Variants in FGD4 observed in about 807,000 individuals in gnomAD.
FGD4 encodes FYVE, RhoGEF and PH domain-containing protein 4.
FGD4 carries 42 observed loss-of-function variants against 102.0 expected under a neutral mutation model. The observed-to-expected ratio is 0.41, with a 90% CI of 0.32 to 0.53. The LOEUF (loss-of-function observed/expected upper bound fraction) is 0.53. FGD4 is among the 20% of genes least tolerant of loss of function. The pLI is 0.21. For synonymous variants in FGD4, 380 were observed against 375.7 expected (o/e 1.01, Z -0.13); for missense variants, 902 against 1,078.2 (o/e 0.84, Z 2.29).
In FGD4 at chr12:32,453,226, GA is replaced by G. The variant is rs1565749188; in HGVS notation, c.166+53268del. Among the ~76,000 whole-genome samples the G allele has an allele frequency of 8.5e-5, 5 of 58,518 alleles. No individual in the cohort carries two copies. In the East Asian group the frequency reaches 2.1e-3, roughly 24 times the overall value. 38.4% of individuals were successfully genotyped at this position (58,518 alleles called of 152,430 possible). On this transcript the variant is annotated intron_variant, in intron 1 of 16. Coordinates refer to ENST00000534526, the MANE Select transcript of FGD4 (RefSeq NM_001370298.3). ...TATATATATATATATATATAATATA[GA>G]TATATATATATTTTTTTTTTTTTAA...
intron 7 of FGD4, among the ~76,000 whole-genome samples, chr12:32,604,935 G>GTTTTTT (rs1565897132): frequency 8.0e-5 from 6 of 74,940 alleles, no homozygotes; most frequent in African/African-American, 3.3e-4. Context: ...CTTTATAGCT[G>GTTTTTT]CTTTTTTTTT....
intron 4 of FGD4, among the ~76,000 whole-genome samples, chr12:32,592,368 A>G (rs969845592): frequency 6.6e-6 from 1 of 152,028 alleles, no homozygotes; most frequent in African/African-American, 2.4e-5. Context: ...AAAAACTATA[A>G]ATTATATTTT....
intron 1 of FGD4, among the ~76,000 whole-genome samples, chr12:32,561,075 G>GTTTTTTTT (rs1218919677): frequency 4.7e-5 from 4 of 85,180 alleles, no homozygotes; most frequent in Admixed American, 1.8e-4. Context: ...GTTGGGTTTT[G>GTTTTTTTT]TTTTTTTTTT....
At chr12:32,619,579 C>G (rs368707492) in intron 10 of FGD4, 119 bp from the exon 11 acceptor site, 2 of 1,159,026 alleles carry the variant, frequency 1.7e-6, no homozygotes, top group African/African-American at 1.5e-5. Flanking sequence ...TTACAATGAG[C>G]CAAGGTCACA....
In FGD4 at chr12:32,641,035, CAA is replaced by C. The variant is rs1565943352; in HGVS notation, c.*505_*506del. 1 of 160,840 alleles carries C rather than the reference CAA, an allele frequency of 6.2e-6. No homozygotes were observed. The highest frequency in any genetic ancestry group is 1.8e-4 in the East Asian group (1 of 5,538). 10.0% of individuals were successfully genotyped at this position (160,840 alleles called of 1,614,324 possible). A position where few individuals can be genotyped will look rare whatever the true frequency, so the allele number is the denominator to read the frequency against. On this transcript the variant is annotated 3_prime_UTR_variant, in exon 17 of 17. Transcript: ENST00000534526. ...ATAAATGATGTCTGTTCTTTTAAAA[CAA>C]AAGAAAAAGGACAAATTGTTGGTGT... is the stretch of plus-strand genomic sequence containing the variant.
intron 1 of FGD4, among the ~76,000 whole-genome samples, chr12:32,552,885 C>T (rs1943803660): frequency 6.6e-6 from 1 of 151,268 alleles, no homozygotes; most frequent in South Asian, 2.1e-4. Flanking sequence ...TCAAGCGATT[C>T]TCCTACCTCA....
chr12:32,559,364 C>T (rs774762267), intron 1 of FGD4, among the ~76,000 whole-genome samples: 2 of 152,138 alleles, frequency 1.3e-5, no homozygotes, highest in South Asian at 2.1e-4. Flanking sequence ...TGTAAAGGGC[C>T]AAATAATTAT....
chr12:32,624,043 G>A (rs79586341), intron 11 of FGD4, among the ~76,000 whole-genome samples: 252 of 152,260 alleles, frequency 1.7e-3, no homozygotes, highest in African/African-American at 5.8e-3. Context: ...TTCTAAGATG[G>A]GCTGTGAATA....
At chr12:32,420,942 G>T (rs565632412) in intron 1 of FGD4, among the ~76,000 whole-genome samples, 1 of 152,142 alleles carries the variant, frequency 6.6e-6, no homozygotes, top group East Asian at 1.9e-4. Flanking sequence ...ACCTGGACTG[G>T]AGTATGGTGG....
At chr12:32,409,906 C>G (rs912013033) in intron 1 of FGD4, among the ~76,000 whole-genome samples, 46 of 151,130 alleles carry the variant, frequency 3.0e-4, no homozygotes, top group African/African-American at 1.0e-3. Flanking sequence ...TAGCTCACAT[C>G]TGTAAAACCA....
chr12:32,468,131 C>T (rs900561206), intron 1 of FGD4, among the ~76,000 whole-genome samples: 4 of 152,114 alleles, frequency 2.6e-5, no homozygotes, highest in African/African-American at 9.7e-5. Flanking sequence ...CAACCTCAAA[C>T]TCTTGGACTC....
rs188942304 is a variant in FGD4 at position 32,403,884 on chromosome 12, C to T, written c.166+3925C>T. Among the ~76,000 whole-genome samples, 444 of 152,108 alleles carry T rather than the reference C, an allele frequency of 2.9e-3. 6 individuals are homozygous for T. Among genetic ancestry groups the T allele is most frequent in the African/African-American group, 0.01 (426 of 41,490 alleles). On this transcript the variant is annotated intron_variant, in intron 1 of 16. Transcript: ENST00000534526. The stretch of plus-strand genomic sequence containing the variant: ...TGCTGGGATTACAGGTGTGAGCCAT[C>T]GTGCCCGGCCCAATGCTCCCTTTTA...
At position 32,416,369 on chromosome 12, in the gene FGD4, ACTC is replaced by A. The variant is rs374808268; in HGVS notation, c.166+16413_166+16415del. Reference sequence around the variant, plus strand: ...GTGTTATTATTGGTAGGTAAGCACTACTCCTACCATTTTATTTGTCTTCTGGTT... The same window carrying A: ...GTGTTATTATTGGTAGGTAAGCACTACTACCATTTTATTTGTCTTCTGGTT... On this transcript the variant is annotated intron_variant, in intron 1 of 16. Transcript: ENST00000534526. 6.4e-4 allele frequency among the ~76,000 whole-genome samples: 97 copies of A among 151,370 alleles called. 2 individuals are homozygous for A. The East Asian group carries it at 0.017, about 27-fold the overall frequency.
intron 1 of FGD4, among the ~76,000 whole-genome samples, chr12:32,526,778 A>G (rs1941271856): frequency 6.6e-6 from 1 of 152,236 alleles, no homozygotes; most frequent in East Asian, 1.9e-4. Context: ...GCCCAGCAAG[A>G]CCACGAGCCC....
chr12:32,495,457 G>A (rs10771961), intron 1 of FGD4, among the ~76,000 whole-genome samples: 34,714 of 152,026 alleles, frequency 0.23, 4,746 homozygotes, highest in Middle Eastern at 0.41. Context: ...AGCACTTTGG[G>A]AGGCTGAGGC....
intron 10 of FGD4, among the ~76,000 whole-genome samples, chr12:32,614,634 G>A (rs193056493): frequency 6.6e-6 from 1 of 152,274 alleles, no homozygotes; most frequent in African/African-American, 2.4e-5. Flanking sequence ...GCAATTTTTC[G>A]AGAGTTTTGA....
chr12:32,628,588 C>T (rs1592468155), intron 14 of FGD4, among the ~76,000 whole-genome samples: 2 of 152,042 alleles, frequency 1.3e-5, no homozygotes, highest in South Asian at 2.1e-4. Flanking sequence ...CTCCTGAGGT[C>T]GGGAGTTCAA....
chr12:32,478,842 G>C (rs1943649757), intron 1 of FGD4, among the ~76,000 whole-genome samples: 2 of 152,192 alleles, frequency 1.3e-5, no homozygotes, highest in Admixed American at 1.3e-4. Context: ...TCACAATTAT[G>C]ATCCGTGGCA....
intron 1 of FGD4, among the ~76,000 whole-genome samples, chr12:32,481,593 C>T (rs546427412): frequency 3.1e-4 from 47 of 152,234 alleles, no homozygotes; most frequent in African/African-American, 1.1e-3. Context: ...GAAGCTGAGG[C>T]GGGTGGATCA....
Sources: gnomAD v4.1 joint callset for allele counts (sites outside exome capture counted in the v4.1 genomes callset) on GRCh38, gnomAD v4.1.1 for gene constraint, MANE v1.5 for transcripts, NCBI Gene and HGNC (gene_info 2026-07-23, HGNC 2026-07-21) for gene names.